The following OCIAD1 variants were observed in gnomAD, a reference collection of about 807,000 sequenced individuals.
OCIAD1 encodes the protein OCIA domain-containing protein 1.
Under a neutral mutation model 38.9 loss-of-function variants are expected in OCIAD1, and 29 were observed. The ratio of observed to expected loss-of-function variants is 0.74; its 90% CI spans 0.55 to 1.02. OCIAD1 has a LOEUF of 1.02. Among genes scored for constraint, OCIAD1 ranks in the 50% least tolerant of loss-of-function variants. OCIAD1 has a pLI of 0.00. For missense variants in OCIAD1, 288 were observed against 289.6 expected (o/e 0.99, Z 0.04); for synonymous variants, 110 against 92.0 (o/e 1.20, Z -1.12).
In OCIAD1 at chr4:48,848,338, C is replaced by G. The variant is rs537096464; in HGVS notation, c.194-61C>G. 4.9e-5 allele frequency: 38 copies of G among 782,160 alleles called. 1 individual carries two copies. In the South Asian group the frequency reaches 5.4e-4, roughly 11 times the overall value. 48.5% of individuals were successfully genotyped at this position (782,160 alleles called of 1,614,324 possible). A position where few individuals can be genotyped will look rare whatever the true frequency, so the allele number is the denominator to read the frequency against. On this transcript the variant is annotated intron_variant, in intron 4 of 8. Coordinates refer to ENST00000264312, the MANE Select transcript of OCIAD1 (RefSeq NM_017830.4). The stretch of plus-strand genomic sequence containing the variant: ...GTTGTAAGATTATATTTAAAGATAG[C>G]CTTTACTGATTTTTCTTTCTGTAAC...
At chr4:48,821,027 G>A (rs574112258) in intron 1 of OCIAD1, among the ~76,000 whole-genome samples, 2 of 152,104 alleles carry the variant, frequency 1.3e-5, no homozygotes, top group Non-Finnish European at 2.9e-5. Context: ...AGAAAAAGAA[G>A]GACTCCTCCT....
At position 48,857,327 on chromosome 4, in the gene OCIAD1, C is replaced by CA; in HGVS notation, c.663dup (p.Val222SerfsTer6). On this transcript the variant is annotated frameshift_variant, in exon 8 of 9. Coordinates refer to ENST00000264312, the MANE Select transcript of OCIAD1 (RefSeq NM_017830.4). LOFTEE classifies it high-confidence loss of function. ...TCTTTAACACAAAAGACTGACCCCTCAGTCAGGCCTATGCATGAAAGAGTG... is the reference window on the plus strand; with the variant it reads ...TCTTTAACACAAAAGACTGACCCCTCAAGTCAGGCCTATGCATGAAAGAGTG... 1 of 1,594,080 alleles carries CA rather than the reference C, an allele frequency of 6.3e-7. No homozygotes were observed. The highest frequency in any genetic ancestry group is 1.1e-5 in the South Asian group (1 of 87,426).
intron 3 of OCIAD1, among the ~76,000 whole-genome samples, chr4:48,836,459 C>G (rs1049645455): frequency 2.0e-5 from 3 of 152,022 alleles, no homozygotes; most frequent in Admixed American, 2.0e-4. Flanking sequence ...GTGCAACATT[C>G]GATTGTCGAA....
At chr4:48,823,384 C>T (rs1031339288) in intron 1 of OCIAD1, among the ~76,000 whole-genome samples, 3 of 150,770 alleles carry the variant, frequency 2.0e-5, no homozygotes, top group African/African-American at 7.3e-5. Context: ...ACACCGGGAC[C>T]TGTTGGTGGG....
upstream of OCIAD1, among the ~76,000 whole-genome samples, chr4:48,829,087 C>CT (rs1272635188): frequency 1.3e-5 from 2 of 152,120 alleles, no homozygotes; most frequent in Non-Finnish European, 2.9e-5. Context: ...TAGTGAAACT[C>CT]TGTCTCTTCT....
intron 3 of OCIAD1, among the ~76,000 whole-genome samples, chr4:48,838,603 A>G (rs1425242957): frequency 6.6e-6 from 1 of 152,224 alleles, no homozygotes; most frequent in Non-Finnish European, 1.5e-5. Context: ...TAACATTTGT[A>G]CTTTCGAATT....
Position 48,833,447 on chromosome 4 carries a change from C to T in OCIAD1, c.105C>T (p.Phe35=), listed in dbSNP as rs778696355. ...CAACAGAGGAAGAAAGGAGAGTCTTCGCAGAATGCAATGATGAAAGCTTCT... is the reference window on the plus strand; with the variant it reads ...CAACAGAGGAAGAAAGGAGAGTCTTTGCAGAATGCAATGATGAAAGCTTCT... ...YIPTEEERRV[F]AECNDESFWF... The change falls in exon 3 of 9, where the codon TTC becomes TTT. Residue 35 remains phenylalanine (F), a synonymous_variant. Coordinates refer to ENST00000264312, the MANE Select transcript of OCIAD1 (RefSeq NM_017830.4). 3.3e-5 allele frequency: 53 copies of T among 1,606,952 alleles called. No homozygotes were observed. The highest frequency in any genetic ancestry group is 4.5e-5 in the East Asian group (2 of 44,806).
intron 1 of OCIAD1, among the ~76,000 whole-genome samples, chr4:48,819,731 A>AAAAAAAAAAAAAAAAAAAAAG (rs1777174158): frequency 6.9e-6 from 1 of 144,140 alleles, no homozygotes; most frequent in African/African-American, 2.5e-5. Context: ...AAAAAAAAAA[A>AAAAAAAAAAAAAAAAAAAAAG]AAAAAAAAAA....
At chr4:48,822,225 C>T (rs996874106) in intron 1 of OCIAD1, among the ~76,000 whole-genome samples, 1 of 152,126 alleles carries the variant, frequency 6.6e-6, no homozygotes, top group African/African-American at 2.4e-5. Flanking sequence ...GAACAGAGAC[C>T]TCAGAAATAA....
At chr4:48,817,971 G>A (rs1303527603) in intron 1 of OCIAD1, among the ~76,000 whole-genome samples, 1 of 152,178 alleles carries the variant, frequency 6.6e-6, no homozygotes, top group Admixed American at 6.5e-5. Flanking sequence ...GGTGGTTGTG[G>A]GCGCAGCTTC....
At chr4:48,812,681 G>A (rs560147427) in intron 1 of OCIAD1, among the ~76,000 whole-genome samples, 1 of 152,326 alleles carries the variant, frequency 6.6e-6, no homozygotes, top group East Asian at 1.9e-4. Context: ...TAGGGTAAAA[G>A]TGTTTGGAGT....
intron 7 of OCIAD1, among the ~76,000 whole-genome samples, chr4:48,854,702 C>G (rs1257241780): frequency 1.7e-4 from 26 of 152,340 alleles, no homozygotes; most frequent in South Asian, 8.3e-4. Flanking sequence ...CTTCTGACCC[C>G]CTTCTCTAAA....
At chr4:48,832,375 A>C (rs1777586394) in intron 1 of OCIAD1, among the ~76,000 whole-genome samples, 1 of 152,224 alleles carries the variant, frequency 6.6e-6, no homozygotes, top group Non-Finnish European at 1.5e-5. Flanking sequence ...TAAACTTATA[A>C]AACGCATATG....
At chr4:48,809,644 C>G (rs1173574776) in intron 1 of OCIAD1, among the ~76,000 whole-genome samples, 1 of 152,202 alleles carries the variant, frequency 6.6e-6, no homozygotes, top group Non-Finnish European at 1.5e-5. Flanking sequence ...ATCACCTTCT[C>G]TCTGCCACTT....
chr4:48,812,496 T>G (rs1777100284), intron 1 of OCIAD1, among the ~76,000 whole-genome samples: 1 of 150,252 alleles, frequency 6.7e-6, no homozygotes, highest in Non-Finnish European at 1.5e-5. Flanking sequence ...AAAAGAGTGG[T>G]CAGTTAGATA....
intron 1 of OCIAD1, among the ~76,000 whole-genome samples, chr4:48,822,733 A>G (rs1777206161): frequency 6.6e-6 from 1 of 152,260 alleles, no homozygotes. Context: ...GGCAAAGGAT[A>G]CGAACAGACA....
At chr4:48,811,245 G>A (rs116181567) in intron 1 of OCIAD1, among the ~76,000 whole-genome samples, 2 of 152,024 alleles carry the variant, frequency 1.3e-5, no homozygotes, top group Middle Eastern at 3.2e-3. Context: ...CCCCTAACTG[G>A]CCTCCACGTC....
At chr4:48,855,302 T>TA (rs2109612634) in intron 7 of OCIAD1, among the ~76,000 whole-genome samples, 1 of 152,274 alleles carries the variant, frequency 6.6e-6, no homozygotes, top group African/African-American at 2.4e-5. Flanking sequence ...TAATATAACA[T>TA]ATATGGTGAA....
chr4:48,844,617 A>G (rs1005550791), intron 4 of OCIAD1, among the ~76,000 whole-genome samples: 1 of 152,060 alleles, frequency 6.6e-6, no homozygotes, highest in African/African-American at 2.4e-5. Flanking sequence ...CTCTGTCTCA[A>G]AAAAAAGGTA....
Sources: gnomAD v4.1 joint callset for allele counts (sites outside exome capture counted in the v4.1 genomes callset) on GRCh38, gnomAD v4.1.1 for gene constraint, MANE v1.5 for transcripts, NCBI Gene and HGNC (gene_info 2026-07-23, HGNC 2026-07-21) for gene names.